The following RTRAF variants were observed in gnomAD, a reference collection of about 807,000 sequenced individuals.
The protein encoded by RTRAF is tRNA-splicing ligase complex subunit RTRAF.
RTRAF carries 14 observed loss-of-function variants against 34.4 expected under a neutral mutation model. The observed-to-expected ratio is 0.41, with a 90% confidence interval of 0.27 to 0.64. RTRAF has a LOEUF of 0.64. Among genes scored for constraint, RTRAF ranks in the 30% least tolerant of loss-of-function variants. The probability of loss-of-function intolerance (pLI) is 0.34; values close to 1 mark genes in which losing one functional copy is unlikely to be tolerated. For missense variants in RTRAF, 291 were observed against 288.4 expected (o/e 1.01, Z -0.06); for synonymous variants, 96 against 95.3 (o/e 1.01, Z -0.04).
chr14:52,008,490 T>C lies in RTRAF; in HGVS notation c.*3974T>C, dbSNP rs1455042996. 1 of 152,586 alleles carries C rather than the reference T, an allele frequency of 6.6e-6. No homozygotes were observed. Among genetic ancestry groups the C allele is most frequent in the African/African-American group, 2.4e-5 (1 of 41,448 alleles). The allele number at this position is 152,586 out of a possible 1,614,324, so 9.5% of individuals were successfully genotyped here. Reference sequence around the variant, plus strand: ...ACAGAAACTGTGAGACTAAATGTTATCTTACACTGCTGAGGGTTTGGGCAA... The same window carrying C: ...ACAGAAACTGTGAGACTAAATGTTACCTTACACTGCTGAGGGTTTGGGCAA... On this transcript the variant is annotated 3_prime_UTR_variant, in exon 8 of 8. Transcript: ENST00000261700.
chr14:51,997,707 G>T (rs1465968981), intron 3 of RTRAF, among the ~76,000 whole-genome samples: 2 of 151,718 alleles, frequency 1.3e-5, no homozygotes, highest in Non-Finnish European at 1.5e-5. Flanking sequence ...GTATATGATG[G>T]TGTATTTGAT....
chr14:52,004,569 C>G lies in RTRAF; in HGVS notation c.*53C>G. ...ACTTAGTACAGTTGGGAACCATACA[C>G]TTCTGGCATGTTTGGAAATCAAAAT... On this transcript the variant is annotated 3_prime_UTR_variant, in exon 8 of 8. Coordinates refer to ENST00000261700, the MANE Select transcript of RTRAF (RefSeq NM_016039.3). 4 of 1,494,380 alleles carry G rather than the reference C, an allele frequency of 2.7e-6. No individual in the cohort carries two copies. Among genetic ancestry groups the G allele is most frequent in the Non-Finnish European group, 3.6e-6 (4 of 1,112,370 alleles). 92.6% of individuals were successfully genotyped at this position (1,494,380 alleles called of 1,614,324 possible).
chr14:51,993,748 T>G lies in RTRAF; in HGVS notation c.212T>G (p.Phe71Cys). 5 of 1,602,552 alleles carry G rather than the reference T, an allele frequency of 3.1e-6. No homozygotes were observed. The highest frequency in any genetic ancestry group is 4.3e-6 in the Non-Finnish European group (5 of 1,175,130). ...TATCTCAGAGATGTTAACTGTCCTT[T>G]CAAGATTCAAGATCGACAAGAAGCT... The part of the protein sequence containing the change: ...EKYLRDVNCP[F>C]KIQDRQEAID... Residue 71 changes from phenylalanine (F) to cysteine (C), a missense_variant, in exon 3 of 8, where the codon TTC (phenylalanine) becomes TGC (cysteine). Physicochemically the swap from Phe to Cys is radical, Grantham distance 205. Transcript: ENST00000261700.
chr14:52,003,471 G>GTAAC, intron 6 of RTRAF, among the ~76,000 whole-genome samples: 1 of 152,214 alleles, frequency 6.6e-6, no homozygotes, highest in East Asian at 1.9e-4. Flanking sequence ...CATTTGAATA[G>GTAAC]TAACAGGTTG....
Position 52,004,414 on chromosome 14 carries a change from G to T in RTRAF, c.633G>T (p.Glu211Asp). The T allele has an allele frequency of 6.2e-7, 1 of 1,613,950 alleles. No homozygotes were observed. The highest frequency in any genetic ancestry group is 2.2e-5 in the East Asian group (1 of 44,870). ...TTCTGCGATTGCTGCACATAGAGGA[G>T]CTCAGAGAGCTACAGACAAAAATCA... Reference protein sequence around the residue: ...AQILRLLHIEELRELQTKINE... With the variant: ...AQILRLLHIEDLRELQTKINE... Residue 211 changes from glutamate (E) to aspartate (D), a missense_variant, in exon 8 of 8, where the codon GAG (glutamate) becomes GAT (aspartate). By Grantham distance (45) the Glu-to-Asp change is conservative. Transcript: ENST00000261700.
At position 52,008,200 on chromosome 14, in the gene RTRAF, C is replaced by T. The variant is rs942767088; in HGVS notation, c.*3684C>T. 1 of 396,452 alleles carries T rather than the reference C, an allele frequency of 2.5e-6. No individual in the cohort carries two copies. Among genetic ancestry groups the T allele is most frequent in the East Asian group, 4.4e-5 (1 of 22,642 alleles). The allele number at this position is 396,452 out of a possible 1,614,324, so 24.6% of individuals were successfully genotyped here. On this transcript the variant is annotated 3_prime_UTR_variant, in exon 8 of 8. Coordinates refer to ENST00000261700, the MANE Select transcript of RTRAF (RefSeq NM_016039.3). ...AAAAAACTGGTTTCTGCCTTAGGGG[C>T]TCTCTCTTGCTCCCTTTGAGGGAAG...
Position 52,004,720 on chromosome 14 carries a change from G to T in RTRAF, c.*204G>T. 1 of 463,338 alleles carries T rather than the reference G, an allele frequency of 2.2e-6. No individual in the cohort carries two copies. The highest frequency in any genetic ancestry group is 2.0e-5 in the African/African-American group (1 of 49,570). The allele number at this position is 463,338 out of a possible 1,614,324, so 28.7% of individuals were successfully genotyped here. A position where few individuals can be genotyped will look rare whatever the true frequency, so the allele number is the denominator to read the frequency against. ...AATTTTTATTATGTACTGTATGTTT[G>T]CATAAATCACCTTTCTCCTTTGTGG... On this transcript the variant is annotated 3_prime_UTR_variant, in exon 8 of 8. Transcript: ENST00000261700.
chr14:52,010,624 T>C lies in RTRAF; in HGVS notation c.*6108T>C, dbSNP rs895708215. On this transcript the variant is annotated 3_prime_UTR_variant, in exon 8 of 8. Transcript: ENST00000261700. ...CAACACTATCTGAATTTTCTACATA[T>C]CACATCACAGACTAATATTGTTTAT... 9 of 370,074 alleles carry C rather than the reference T, an allele frequency of 2.4e-5. No individual in the cohort carries two copies. The highest frequency in any genetic ancestry group is 1.4e-4 in the African/African-American group (7 of 49,840). The allele number at this position is 370,074 out of a possible 1,614,324, so 22.9% of individuals were successfully genotyped here. A position where few individuals can be genotyped will look rare whatever the true frequency, so the allele number is the denominator to read the frequency against.
At chr14:51,998,268 A>G (rs1438266373) in intron 3 of RTRAF, 7 of 392,984 alleles carry the variant, frequency 1.8e-5, no homozygotes, top group Non-Finnish European at 3.2e-5. Context: ...CATTGAACAT[A>G]AAAATGAATT....
intron 3 of RTRAF, 92 bp from the exon 4 acceptor site, chr14:51,998,402 A>T (rs1037876936): frequency 3.1e-6 from 2 of 649,932 alleles, no homozygotes; most frequent in Non-Finnish European, 5.0e-6. Flanking sequence ...TCAACCTGTA[A>T]TCATTTTGGC....
chr14:52,001,834 G>A lies in RTRAF; in HGVS notation c.499G>A (p.Asp167Asn). Residue 167 changes from aspartate to asparagine, a missense_variant, in exon 6 of 8, where the codon GAT becomes AAT. Physicochemically the swap from Asp to Asn is conservative, Grantham distance 23 (BLOSUM62 1). Transcript: ENST00000261700. ...TTTGGTTCAGGAGCGCCTGACACAG[G>A]ATGCAGTTGCTAAGGCAAATCAAAC... is the stretch of plus-strand genomic sequence containing the variant. ...RILVQERLTQDAVAKANQTKE... is the reference protein window; with the variant it reads ...RILVQERLTQNAVAKANQTKE... 1 of 1,609,794 alleles carries A rather than the reference G, an allele frequency of 6.2e-7. No individual in the cohort carries two copies. The highest frequency in any genetic ancestry group is 1.1e-5 in the South Asian group (1 of 90,432).
At chr14:52,000,402 A>G (rs1373377576) in intron 5 of RTRAF, among the ~76,000 whole-genome samples, 1 of 152,152 alleles carries the variant, frequency 6.6e-6, no homozygotes, top group Admixed American at 6.5e-5. Context: ...GAGAGAAATC[A>G]TAAACTTCAG....
Position 52,005,694 on chromosome 14 carries a change from T to C in RTRAF, c.*1178T>C. On this transcript the variant is annotated 3_prime_UTR_variant, in exon 8 of 8. Transcript: ENST00000261700. ...TCAAATACCATATATATCCCTTCTC[T>C]ACCCTGCTAATTTAAAGGAGCATCC... The C allele has an allele frequency of 6.7e-7, 1 of 1,501,908 alleles. No homozygotes were observed. The highest frequency in any genetic ancestry group is 1.7e-4 in the Middle Eastern group (1 of 5,844). The allele number at this position is 1,501,908 out of a possible 1,614,324, so 93.0% of individuals were successfully genotyped here.
rs1281430993 is a variant in RTRAF at position 52,009,304 on chromosome 14, A to T, written c.*4788A>T. The T allele has an allele frequency of 6.6e-6, 1 of 152,260 alleles. No individual in the cohort carries two copies. The highest frequency in any genetic ancestry group is 2.4e-5 in the African/African-American group (1 of 41,468). The allele number at this position is 152,260 out of a possible 1,614,324, so 9.4% of individuals were successfully genotyped here. On this transcript the variant is annotated 3_prime_UTR_variant, in exon 8 of 8. Transcript: ENST00000261700. ...TCCCCAAAATGATTTAATATCATCA[A>T]CAACAATAAGTCTGAAACAAGCTCA...
At position 51,991,335 on chromosome 14, in the gene RTRAF, A is replaced by G; in HGVS notation, c.80A>G (p.Asn27Ser). ...ATTGCAGATGAAACAGAATTTAGAA[A>G]CTTCATCGTTTGGCTTGAAGACCAG... ...FNCKDETEFR[N>S]FIVWLEDQKI... Residue 27 changes from asparagine (N) to serine (S), a missense_variant, in exon 2 of 8, where the codon AAC becomes AGC. By Grantham distance (46) the Asn-to-Ser change is conservative. Transcript: ENST00000261700. 3.7e-6 allele frequency: 6 copies of G among 1,613,294 alleles called. No homozygotes were observed. Among genetic ancestry groups the G allele is most frequent in the Non-Finnish European group, 1.7e-6 (2 of 1,179,518 alleles).
intron 4 of RTRAF, 112 bp downstream of exon 4, chr14:51,998,692 C>T: frequency 1.7e-6 from 1 of 592,802 alleles, no homozygotes. Context: ...TTAGAAGGAT[C>T]CATGCAGACA....
intron 3 of RTRAF, among the ~76,000 whole-genome samples, chr14:51,995,631 C>T (rs1890506959): frequency 6.6e-6 from 1 of 152,100 alleles, no homozygotes; most frequent in African/African-American, 2.4e-5. Flanking sequence ...TTGCACACAA[C>T]AGGTGCTTAT....
intron 2 of RTRAF, among the ~76,000 whole-genome samples, chr14:51,991,948 T>A (rs1172804856): frequency 1.3e-5 from 2 of 152,108 alleles, no homozygotes; most frequent in African/African-American, 2.4e-5. Flanking sequence ...GTGTCTGTAG[T>A]GTCAGCTAAT....
chr14:52,003,995 C>T (rs1890658194), intron 6 of RTRAF, 199 bp from the exon 7 acceptor site: 1 of 584,394 alleles, frequency 1.7e-6, no homozygotes, highest in Non-Finnish European at 3.1e-6. Context: ...GTTAACTTTT[C>T]CCCCTAACCG....
Sources: allele counts gnomAD v4.1 joint callset (sites outside exome capture counted in the v4.1 genomes callset), GRCh38; gene constraint gnomAD v4.1.1; transcripts MANE v1.5; gene names NCBI Gene and HGNC (gene_info 2026-07-23, HGNC 2026-07-21).